Variants in CAMK1D observed in about 807,000 individuals in gnomAD.
CAMK1D encodes the protein calcium/calmodulin dependent protein kinase ID.
CAMK1D carries 9 observed loss-of-function variants against 47.7 expected under a neutral mutation model. The observed-to-expected ratio is 0.19, with a 90% confidence interval of 0.11 to 0.33. The LOEUF (loss-of-function observed/expected upper bound fraction) is 0.33, where lower values mean the gene tolerates loss of function less well. Ranked by LOEUF, CAMK1D falls within the 10% of genes least tolerant of loss-of-function variation. The pLI, the probability that CAMK1D is intolerant of heterozygous loss-of-function variation, is 1.00. For missense variants in CAMK1D, 291 were observed against 488.7 expected (o/e 0.60, Z 3.81); for synonymous variants, 184 against 184.9 (o/e 0.99, Z 0.04).
intron 1 of CAMK1D, among the ~76,000 whole-genome samples, chr10:12,383,367 C>T (rs1005893049): frequency 6.6e-6 from 1 of 151,980 alleles, no homozygotes; most frequent in African/African-American, 2.4e-5. Flanking sequence ...AAAATTGGTA[C>T]AGAATTTCAG....
At chr10:12,818,661 A>T (rs910303263) in intron 8 of CAMK1D, among the ~76,000 whole-genome samples, 1 of 145,142 alleles carries the variant, frequency 6.9e-6, no homozygotes, top group Admixed American at 6.8e-5. Flanking sequence ...ACAGAGCGAG[A>T]CTCTGTCCCA....
chr10:12,376,606 G>A (rs193155929), intron 1 of CAMK1D, among the ~76,000 whole-genome samples: 319 of 152,274 alleles, frequency 2.1e-3, no homozygotes, highest in African/African-American at 7.2e-3. Context: ...CTGAGGTCCG[G>A]TGGAGGCCTT....
At chr10:12,352,244 A>G (rs936082556) in intron 1 of CAMK1D, among the ~76,000 whole-genome samples, 1 of 152,232 alleles carries the variant, frequency 6.6e-6, no homozygotes, top group Non-Finnish European at 1.5e-5. Context: ...TAGATCCTGT[A>G]ATGGCCAATG....
At chr10:12,599,621 A>T (rs1294905383) in intron 2 of CAMK1D, among the ~76,000 whole-genome samples, 1 of 152,226 alleles carries the variant, frequency 6.6e-6, no homozygotes, top group Non-Finnish European at 1.5e-5. Context: ...AGCAACGTGA[A>T]CACGATCAGG....
At chr10:12,611,588 CTTTTTT>C (rs71386105) in intron 2 of CAMK1D, among the ~76,000 whole-genome samples, 7 of 59,950 alleles carry the variant, frequency 1.2e-4, no homozygotes, top group Admixed American at 3.3e-4. Context: ...TTCAGAATGC[CTTTTTT>C]TTTTTTTTTT....
rs534761079 is a variant in CAMK1D at position 12,826,721 on chromosome 10, T to A, written c.1039+1031T>A. ...TCTCTAAGGAATCTTCCCATCTCAT[T>A]TGGGACCATCCAGCCCTTAAATTTT... On this transcript the variant is annotated intron_variant, in intron 10 of 10. Transcript: ENST00000619168. 2.6e-5 allele frequency among the ~76,000 whole-genome samples: 4 copies of A among 152,296 alleles called. No individual in the cohort carries two copies. In the East Asian group the frequency reaches 7.7e-4, roughly 29 times the overall value.
chr10:12,395,065 ATTTT>A (rs5783265), intron 1 of CAMK1D, among the ~76,000 whole-genome samples: 221 of 94,734 alleles, frequency 2.3e-3, no homozygotes, highest in South Asian at 0.017. Flanking sequence ...TAAAATTTTA[ATTTT>A]TTTTTTTTTT....
At chr10:12,504,106 T>TGGGG (rs1011963781) in intron 1 of CAMK1D, among the ~76,000 whole-genome samples, 2 of 139,436 alleles carry the variant, frequency 1.4e-5, no homozygotes, top group East Asian at 2.5e-4. Flanking sequence ...ACCAATAAGA[T>TGGGG]GGGTGTGTGT....
At chr10:12,656,846 A>G (rs536108474) in intron 2 of CAMK1D, among the ~76,000 whole-genome samples, 55 of 152,056 alleles carry the variant, frequency 3.6e-4, no homozygotes, top group Non-Finnish European at 6.3e-4. Flanking sequence ...GTGTGTGTGT[A>G]TATACATTTT....
intron 2 of CAMK1D, among the ~76,000 whole-genome samples, chr10:12,596,716 G>GT (rs955001314): frequency 6.4e-4 from 97 of 152,126 alleles, no homozygotes; most frequent in African/African-American, 2.3e-3. Flanking sequence ...AAATCCCATG[G>GT]TGGGGTCTAG....
intron 5 of CAMK1D, 73 bp from the exon 6 acceptor site, chr10:12,791,085 C>A: frequency 7.2e-7 from 1 of 1,385,574 alleles, no homozygotes; most frequent in Non-Finnish European, 1.0e-6. Flanking sequence ...GGCCAAATAG[C>A]AGACCCCAAA....
intron 6 of CAMK1D, among the ~76,000 whole-genome samples, chr10:12,797,933 A>C (rs1016355599): frequency 1.3e-5 from 2 of 152,166 alleles, no homozygotes; most frequent in Admixed American, 6.5e-5. Context: ...GGTACACAAC[A>C]GTGAGGGGGG....
intron 1 of CAMK1D, among the ~76,000 whole-genome samples, chr10:12,520,937 A>ACCGTG (rs1295502573): frequency 0.02 from 159 of 7,980 alleles, no homozygotes; most frequent in African/African-American, 0.025. Context: ...CCGTGGGGAG[A>ACCGTG]GGGAGAGGGA....
chr10:12,484,758 C>G (rs1419197192), intron 1 of CAMK1D, among the ~76,000 whole-genome samples: 1 of 144,238 alleles, frequency 6.9e-6, no homozygotes, highest in Non-Finnish European at 1.5e-5. Flanking sequence ...CTCCAGGTTT[C>G]TAACATGTGG....
chr10:12,640,183 G>C (rs1361600673), intron 2 of CAMK1D, among the ~76,000 whole-genome samples: 2 of 152,102 alleles, frequency 1.3e-5, no homozygotes, highest in Non-Finnish European at 2.9e-5. Context: ...AGAGACTCCA[G>C]CTTGGGAGTC....
chr10:12,631,584 C>G (rs1227990727), intron 2 of CAMK1D, among the ~76,000 whole-genome samples: 1 of 152,180 alleles, frequency 6.6e-6, no homozygotes, highest in Non-Finnish European at 1.5e-5. Context: ...AACTCTGTCT[C>G]CTTTGTTCAG....
In CAMK1D at chr10:12,814,258, G is replaced by A. The variant is rs1271008562; in HGVS notation, c.705G>A (p.Lys235=). ...NDSKLFEQIL[K]AEYEFDSPYW... Reference sequence around the variant, plus strand: ...CCAAGCTCTTTGAGCAGATCCTCAAGGCGGAATATGAGTTTGACTCTCCCT... The same window carrying A: ...CCAAGCTCTTTGAGCAGATCCTCAAAGCGGAATATGAGTTTGACTCTCCCT... Residue 235 remains lysine, a synonymous_variant, in exon 7 of 11, where the codon AAG becomes AAA. Transcript: ENST00000619168. The A allele has an allele frequency of 1.9e-6, 3 of 1,613,926 alleles. No homozygotes were observed. The highest frequency in any genetic ancestry group is 2.5e-6 in the Non-Finnish European group (3 of 1,179,946).
intron 1 of CAMK1D, among the ~76,000 whole-genome samples, chr10:12,426,407 C>T (rs987984398): frequency 9.9e-5 from 15 of 152,094 alleles, no homozygotes; most frequent in African/African-American, 2.9e-4. Flanking sequence ...CCACCATGCC[C>T]GGCTAATTTT....
At chr10:12,515,423 T>A (rs1430521602) in intron 1 of CAMK1D, among the ~76,000 whole-genome samples, 2 of 140,760 alleles carry the variant, frequency 1.4e-5, no homozygotes, top group Non-Finnish European at 3.1e-5. Flanking sequence ...TTTTTCTTTT[T>A]TTTTTTCATT....
Sources: allele counts gnomAD v4.1 joint callset (sites outside exome capture counted in the v4.1 genomes callset), GRCh38; gene constraint gnomAD v4.1.1; transcripts MANE v1.5; gene names NCBI Gene and HGNC (gene_info 2026-07-23, HGNC 2026-07-21).